Variants in E2F7 observed in about 807,000 individuals in gnomAD.
E2F7 encodes transcription factor E2F7.
In E2F7, 35 loss-of-function variants were observed where a neutral mutation model predicts 81.1. The ratio of observed to expected loss-of-function variants is 0.43; its 90% CI spans 0.33 to 0.57. The LOEUF (loss-of-function observed/expected upper bound fraction) is 0.57, where lower values mean the gene tolerates loss of function less well. E2F7 is among the 20% of genes least tolerant of loss of function. E2F7 has a pLI of 0.04. For missense variants in E2F7, 961 were observed against 1,093.7 expected (o/e 0.88, Z 1.71); for synonymous variants, 416 against 416.2 (o/e 1.00, Z 0.01).
At chr12:77,056,933 C>T (rs1192489050) in intron 2 of E2F7, among the ~76,000 whole-genome samples, 1 of 150,716 alleles carries the variant, frequency 6.6e-6, no homozygotes, top group Admixed American at 6.6e-5. Context: ...TGTTGCCCAG[C>T]CTGAGTACAG....
intron 12 of E2F7, 75 bp downstream of exon 12, chr12:77,025,483 T>A (rs1954749607): frequency 6.5e-7 from 1 of 1,530,562 alleles, no homozygotes; most frequent in Non-Finnish European, 8.9e-7. Flanking sequence ...GGCAGTCATG[T>A]GGCTAAAATG....
chr12:77,045,530 A>G (rs1177595876), intron 5 of E2F7: 1 of 153,886 alleles, frequency 6.5e-6, no homozygotes, highest in East Asian at 1.9e-4. Flanking sequence ...ATGAAGATCA[A>G]TGGCTAAAAC....
intron 2 of E2F7, among the ~76,000 whole-genome samples, chr12:77,058,334 G>A (rs1003352236): frequency 6.6e-6 from 1 of 152,136 alleles, no homozygotes. Context: ...AAGAAACTGA[G>A]GCACAGAGAA....
intron 3 of E2F7, among the ~76,000 whole-genome samples, chr12:77,053,670 C>T (rs1238772283): frequency 6.6e-6 from 1 of 152,128 alleles, no homozygotes; most frequent in Admixed American, 6.5e-5. Flanking sequence ...CTGCAAACAA[C>T]CCAAATGGCT....
chr12:77,053,853 T>C (rs181593987), intron 3 of E2F7, among the ~76,000 whole-genome samples: 1 of 152,276 alleles, frequency 6.6e-6, no homozygotes, highest in African/African-American at 2.4e-5. Context: ...GGTTATTCTG[T>C]TGGGGAGAGA....
At chr12:77,031,130 G>A (rs554498236) in intron 9 of E2F7, among the ~76,000 whole-genome samples, 50 of 152,272 alleles carry the variant, frequency 3.3e-4, no homozygotes, top group Admixed American at 3.1e-3. Flanking sequence ...GGGGGGCCTA[G>A]GAGGATTGCT....
In E2F7 at chr12:77,025,694, G is replaced by A. The variant is rs1391391765; in HGVS notation, c.2429C>T (p.Pro810Leu). The change falls in exon 12 of 13, where the codon CCT becomes CTT. Residue 810 changes from proline to leucine, a missense_variant. By Grantham distance (98) the Pro-to-Leu change is moderately conservative. Coordinates refer to ENST00000322886, the MANE Select transcript of E2F7 (RefSeq NM_203394.3). ...AVVNPKSSTL[P>L]SADPQLQSQP... ...ACTCTGAAGCTGAGGGTCTGCAGAA[G>A]GGAGTGTGGACGACTTTGGATTAAC... 1.2e-6 allele frequency: 2 copies of A among 1,614,096 alleles called. No individual in the cohort carries two copies. The highest frequency in any genetic ancestry group is 1.7e-6 in the Non-Finnish European group (2 of 1,180,054).
chr12:77,056,300 G>A (rs149189797), intron 2 of E2F7, among the ~76,000 whole-genome samples, 170 bp from the exon 3 acceptor site: 1 of 152,272 alleles, frequency 6.6e-6, no homozygotes, highest in East Asian at 1.9e-4. Context: ...GAATAGAAGA[G>A]TGGCTCCAAT....
rs185227411 is a variant in E2F7, at chr12:77,029,688, C to G, written c.1884+143G>C. ...TTTAAGGCAAGATTTTTGGCAGAGC[C>G]ACTCCAGTGCTTAATTATGCAAGTG... is the stretch of plus-strand genomic sequence containing the variant. On this transcript the variant is annotated intron_variant, in intron 10 of 12. Transcript: ENST00000322886. 2.2e-6 allele frequency: 3 copies of G among 1,342,678 alleles called. No homozygotes were observed. The Admixed American group carries it at 7.8e-5, about 35-fold the overall frequency. The allele number at this position is 1,342,678 out of a possible 1,614,324, so 83.2% of individuals were successfully genotyped here. A position where few individuals can be genotyped will look rare whatever the true frequency, so the allele number is the denominator to read the frequency against.
chr12:77,036,127 C>T (rs1479860199), intron 7 of E2F7, among the ~76,000 whole-genome samples: 2 of 151,734 alleles, frequency 1.3e-5, no homozygotes, highest in African/African-American at 2.4e-5. Flanking sequence ...AAGTAATGGC[C>T]GAAAATTTGC....
At chr12:77,026,257 G>C (rs2120614806) in intron 11 of E2F7, among the ~76,000 whole-genome samples, 1 of 152,236 alleles carries the variant, frequency 6.6e-6, no homozygotes, top group East Asian at 1.9e-4. Flanking sequence ...AAGGCAAAAA[G>C]CTTAGATGGG....
At chr12:77,024,525 A>G (rs1021937181) in intron 12 of E2F7, among the ~76,000 whole-genome samples, 4 of 152,206 alleles carry the variant, frequency 2.6e-5, no homozygotes, top group Non-Finnish European at 5.9e-5. Context: ...TACTGACTTC[A>G]CAAGGTTGTA....
rs1205152075 is a variant in E2F7, at chr12:77,025,570, T to G, written c.2553A>C (p.Val851=). 8.1e-6 allele frequency: 13 copies of G among 1,613,972 alleles called. No individual in the cohort carries two copies. The highest frequency in any genetic ancestry group is 1.1e-5 in the Non-Finnish European group (13 of 1,179,972). Residue 851 remains valine (V), a synonymous_variant, in exon 12 of 13, where the codon GTA becomes GTC. Coordinates refer to ENST00000322886, the MANE Select transcript of E2F7 (RefSeq NM_203394.3). The stretch of plus-strand genomic sequence containing the variant: ...CTTCAGGCCTCACCTGATGTAATTT[T>G]ACTACTGAGACTGGATGTCCCACGT... The part of the protein sequence containing the change: ...PVYVGHPVSV[V]KLHQSPVPVT...
chr12:77,056,174 G>T (rs200763483), intron 2 of E2F7, 44 bp from the exon 3 acceptor site: 1 of 1,531,162 alleles, frequency 6.5e-7, no homozygotes, highest in Non-Finnish European at 8.8e-7. Flanking sequence ...GAAAGGGCAG[G>T]TATCAGCTAA....
At chr12:77,050,884 A>G (rs1954981066) in intron 3 of E2F7, 140 bp from the exon 4 acceptor site, 4 of 819,680 alleles carry the variant, frequency 4.9e-6, no homozygotes. Flanking sequence ...ACATTTCCTA[A>G]TCTAATTCCC....
At chr12:77,039,112 A>G (rs1272577099) in intron 7 of E2F7, among the ~76,000 whole-genome samples, 1 of 152,226 alleles carries the variant, frequency 6.6e-6, no homozygotes, top group Non-Finnish European at 1.5e-5. Context: ...AAAGAAATTT[A>G]CTAGAGAAAG....
Position 77,029,826 on chromosome 12 carries a change from C to T in E2F7, c.1884+5G>A. ...CACCAGACACATCCACCTGCACTCC[C>T]TTACCTTGGGCATGACAAGCGACAG... On this transcript the variant is annotated splice_donor_5th_base_variant and intron_variant, in intron 10 of 12. Transcript: ENST00000322886. 6.2e-7 allele frequency: 1 copy of T among 1,613,836 alleles called. No homozygotes were observed. The highest frequency in any genetic ancestry group is 8.5e-7 in the Non-Finnish European group (1 of 1,179,810).
chr12:77,045,171 C>G (rs1954928833), intron 5 of E2F7, among the ~76,000 whole-genome samples: 1 of 152,198 alleles, frequency 6.6e-6, no homozygotes, highest in Non-Finnish European at 1.5e-5. Context: ...AGCCTCAACT[C>G]TCCTCTCAAA....
intron 10 of E2F7, among the ~76,000 whole-genome samples, 174 bp downstream of exon 10, chr12:77,029,657 C>A (rs1259378075): frequency 6.6e-6 from 1 of 152,184 alleles, no homozygotes; most frequent in Non-Finnish European, 1.5e-5. Context: ...CTTTCTTATG[C>A]ACTATTTTAA....
Sources: gnomAD v4.1 joint callset for allele counts (sites outside exome capture counted in the v4.1 genomes callset) on GRCh38, gnomAD v4.1.1 for gene constraint, MANE v1.5 for transcripts, NCBI Gene and HGNC (gene_info 2026-07-23, HGNC 2026-07-21) for gene names.